Variants in B3GALT9 observed in about 807,000 individuals in gnomAD.
B3GALT9 encodes the protein UDP-GlcNAc:betaGal beta-1,3-N-acetylglucosaminyltransferase 10 (putative).
intron 1 of B3GALT9, among the ~76,000 whole-genome samples, chr9:120,794,651 A>AG: frequency 6.6e-6 from 1 of 152,194 alleles, no homozygotes; most frequent in Admixed American, 6.5e-5. Flanking sequence ...CTGGGATTAC[A>AG]GGGGTGAACC....
intron 2 of B3GALT9, among the ~76,000 whole-genome samples, chr9:120,797,048 C>T (rs1274080729): frequency 5.5e-5 from 7 of 127,688 alleles, no homozygotes. Flanking sequence ...CAGAGTGAGA[C>T]TCTGTCTCAA....
chr9:120,795,453 T>C (rs2044933689), intron 1 of B3GALT9, among the ~76,000 whole-genome samples: 1 of 152,206 alleles, frequency 6.6e-6, no homozygotes, highest in African/African-American at 2.4e-5. Flanking sequence ...AAAAAATTTT[T>C]AAATTGCAAA....
At position 120,800,366 on chromosome 9, in the gene B3GALT9, G is replaced by A. The variant is rs370071346; in HGVS notation, c.*688G>A. Among the ~76,000 whole-genome samples the A allele has an allele frequency of 4.0e-5, 6 of 151,790 alleles. No individual in the cohort carries two copies. The highest frequency in any genetic ancestry group is 7.3e-5 in the African/African-American group (3 of 41,308). Reference sequence around the variant, plus strand: ...ACTCCTGGCCTCAAGTGATCCACCCGCCTGGGCCTCCCAAAGTGCTGGGAT... The same window carrying A: ...ACTCCTGGCCTCAAGTGATCCACCCACCTGGGCCTCCCAAAGTGCTGGGAT... On this transcript the variant is annotated 3_prime_UTR_variant, in exon 3 of 3. Transcript: ENST00000689072.
chr9:120,797,442 G>T (rs559094606), intron 2 of B3GALT9, among the ~76,000 whole-genome samples: 1 of 151,644 alleles, frequency 6.6e-6, no homozygotes, highest in Non-Finnish European at 1.5e-5. Flanking sequence ...GGAGGCAGAG[G>T]TTGCAGTGAG....
At chr9:120,794,673 C>G (rs183696513) in intron 1 of B3GALT9, among the ~76,000 whole-genome samples, 1 of 151,998 alleles carries the variant, frequency 6.6e-6, no homozygotes, top group African/African-American at 2.4e-5. Context: ...CAATGCCCAG[C>G]GCACAAGTTA....
At chr9:120,794,512 G>A (rs1278102830) in intron 1 of B3GALT9, among the ~76,000 whole-genome samples, 1 of 76,888 alleles carries the variant, frequency 1.3e-5, no homozygotes, top group East Asian at 2.4e-4. Context: ...CTAGTTGTGT[G>A]TGTGTGTGTG....
intron 1 of B3GALT9, among the ~76,000 whole-genome samples, chr9:120,794,451 A>G (rs2044919508): frequency 6.7e-6 from 1 of 148,440 alleles, no homozygotes; most frequent in South Asian, 2.1e-4. Flanking sequence ...CGATCCTCCC[A>G]CCTCAGCCTC....
chr9:120,797,142 A>G lies in B3GALT9; in HGVS notation c.6+533A>G, dbSNP rs180998034. Reference sequence around the variant, plus strand: ...GAGGGAAAGAGAGAAAGAAAGAGAAAGAAAGAAAAGAAAGAAAGAGAAAGA... The same window carrying G: ...GAGGGAAAGAGAGAAAGAAAGAGAAGGAAAGAAAAGAAAGAAAGAGAAAGA... On this transcript the variant is annotated intron_variant, in intron 2 of 2. Coordinates refer to ENST00000689072, the MANE Select transcript of B3GALT9 (RefSeq NM_001386823.1). Among the ~76,000 whole-genome samples, 104 of 151,874 alleles carry G rather than the reference A, an allele frequency of 6.8e-4. No homozygotes were observed. In the East Asian group the frequency reaches 0.02, roughly 29 times the overall value.
chr9:120,800,812 C>G lies in B3GALT9; in HGVS notation c.*1134C>G, dbSNP rs1020633019. ...CATGACCATGATGTATGATAGAGCTCTTGAACTTATTCCTCATGTCTAACA... is the reference window on the plus strand; with the variant it reads ...CATGACCATGATGTATGATAGAGCTGTTGAACTTATTCCTCATGTCTAACA... On this transcript the variant is annotated 3_prime_UTR_variant, in exon 3 of 3. Transcript: ENST00000689072. Among the ~76,000 whole-genome samples the G allele has an allele frequency of 6.6e-6, 1 of 152,182 alleles. No individual in the cohort carries two copies. Among genetic ancestry groups the G allele is most frequent in the African/African-American group, 2.4e-5 (1 of 41,454 alleles).
chr9:120,794,616 AC>A (rs1301395886), intron 1 of B3GALT9, among the ~76,000 whole-genome samples: 2 of 151,626 alleles, frequency 1.3e-5, no homozygotes, highest in Non-Finnish European at 2.9e-5. Context: ...CAAGTGATCC[AC>A]CTGCCTGGGC....
chr9:120,798,777 A>G lies in B3GALT9; in HGVS notation c.209A>G (p.Tyr70Cys), dbSNP rs1222278158. The part of the protein sequence containing the change: ...IEPLRSNLSK[Y>C]YVLSQSEICK... ...CCCCTAAGAAGTAATCTCTCCAAAT[A>G]TTATGTCCTGAGCCAGTCAGAAATA... is the stretch of plus-strand genomic sequence containing the variant. The change falls in exon 3 of 3, where the codon TAT (tyrosine) becomes TGT (cysteine). Residue 70 changes from tyrosine (Y) to cysteine (C), a missense_variant. By Grantham distance (194) the Tyr-to-Cys change is radical (BLOSUM62 -2). Coordinates refer to ENST00000689072, the MANE Select transcript of B3GALT9 (RefSeq NM_001386823.1). 1.5e-5 allele frequency: 6 copies of G among 399,012 alleles called. No homozygotes were observed. In the Admixed American group the frequency reaches 2.6e-4, roughly 18 times the overall value. 24.7% of individuals were successfully genotyped at this position (399,012 alleles called of 1,614,324 possible).
Position 120,801,725 on chromosome 9 carries a change from C to G in B3GALT9, c.*2047C>G, listed in dbSNP as rs2044970173. Among the ~76,000 whole-genome samples the G allele has an allele frequency of 6.6e-6, 1 of 152,170 alleles. No individual in the cohort carries two copies. The highest frequency in any genetic ancestry group is 2.1e-4 in the South Asian group (1 of 4,826). On this transcript the variant is annotated 3_prime_UTR_variant, in exon 3 of 3. Transcript: ENST00000689072. ...ACTGCACTCCAGCCTGGGCAACAGT[C>G]TGAGACTCTATCTCAAAAAACAAAA... is the stretch of plus-strand genomic sequence containing the variant.
rs550633274 is a variant in B3GALT9, at chr9:120,800,940, C to T, written c.*1262C>T. Among the ~76,000 whole-genome samples the T allele has an allele frequency of 6.6e-6, 1 of 152,316 alleles. No individual in the cohort carries two copies. The highest frequency in any genetic ancestry group is 2.1e-4 in the South Asian group (1 of 4,828). ...TTCTATGAATTTGAGTTTTTTTACACTCCACATATAAGTGAGCTCATGTGC... is the reference window on the plus strand; with the variant it reads ...TTCTATGAATTTGAGTTTTTTTACATTCCACATATAAGTGAGCTCATGTGC... On this transcript the variant is annotated 3_prime_UTR_variant, in exon 3 of 3. Coordinates refer to ENST00000689072, the MANE Select transcript of B3GALT9 (RefSeq NM_001386823.1).
At position 120,799,591 on chromosome 9, in the gene B3GALT9, T is replaced by G. The variant is rs1305055403; in HGVS notation, c.1023T>G (p.Ile341Met). The G allele has an allele frequency of 7.5e-6, 3 of 399,546 alleles. No individual in the cohort carries two copies. Among genetic ancestry groups the G allele is most frequent in the Non-Finnish European group, 1.3e-5 (3 of 226,210 alleles). The allele number at this position is 399,546 out of a possible 1,614,324, so 24.8% of individuals were successfully genotyped here. Residue 341 changes from isoleucine (I) to methionine (M), a missense_variant, in exon 3 of 3, where the codon ATT (isoleucine) becomes ATG (methionine). Ile to Met is a conservative substitution (Grantham distance 10, BLOSUM62 1). Transcript: ENST00000689072. ...TGTTTGAGACATCCTATGAGCTCAT[T>G]TCCTGCAAACTTCTGACGTACCTTG... is the stretch of plus-strand genomic sequence containing the variant. ...CTLFETSYEL[I>M]SCKLLTYLDS...
intron 1 of B3GALT9, among the ~76,000 whole-genome samples, chr9:120,795,663 G>A (rs1228692156): frequency 6.6e-6 from 1 of 152,202 alleles, no homozygotes; most frequent in African/African-American, 2.4e-5. Flanking sequence ...TACAAAAGCT[G>A]TTGTAAATGG....
In B3GALT9 at chr9:120,799,126, G is replaced by T. The variant is rs1048732857; in HGVS notation, c.558G>T (p.Thr186=). ...TCATTCTCAAGGTGGATGAAGAGAC[G>T]TTTGTCAATCTACCAAGCTTGGTAG... The part of the protein sequence containing the change: ...ALFILKVDEE[T]FVNLPSLVDY... Residue 186 remains threonine, a synonymous_variant, in exon 3 of 3, where the codon ACG becomes ACT. Transcript: ENST00000689072. The T allele has an allele frequency of 2.5e-6, 1 of 398,852 alleles. No homozygotes were observed. Among genetic ancestry groups the T allele is most frequent in the Non-Finnish European group, 4.4e-6 (1 of 226,076 alleles). 24.7% of individuals were successfully genotyped at this position (398,852 alleles called of 1,614,324 possible).
rs1298248375 is a variant in B3GALT9, at chr9:120,799,224, A to G, written c.656A>G (p.Asn219Ser). The G allele has an allele frequency of 3.3e-5, 13 of 399,066 alleles. No homozygotes were observed. Among genetic ancestry groups the G allele is most frequent in the Admixed American group, 8.8e-5 (2 of 22,720 alleles). 24.7% of individuals were successfully genotyped at this position (399,066 alleles called of 1,614,324 possible). The change falls in exon 3 of 3, where the codon AAT becomes AGT. Residue 219 changes from asparagine to serine, a missense_variant. Transcript: ENST00000689072. ...VGRVLHQVTP[N>S]RDPQNRDFVP... is the part of the protein sequence containing the mutation. ...AGAGTTCTTCATCAGGTTACACCCA[A>G]TAGAGATCCTCAGAACAGAGACTTT...
Position 120,798,973 on chromosome 9 carries a change from G to C in B3GALT9, c.405G>C (p.Glu135Asp), listed in dbSNP as rs1010640153. 2.8e-5 allele frequency: 11 copies of C among 398,870 alleles called. No individual in the cohort carries two copies. The highest frequency in any genetic ancestry group is 2.3e-4 in the African/African-American group (11 of 48,590). The allele number at this position is 398,870 out of a possible 1,614,324, so 24.7% of individuals were successfully genotyped here. A position where few individuals can be genotyped will look rare whatever the true frequency, so the allele number is the denominator to read the frequency against. Residue 135 changes from glutamate (E) to aspartate (D), a missense_variant, in exon 3 of 3, where the codon GAG (glutamate) becomes GAC (aspartate). Glu to Asp is a conservative substitution (Grantham distance 45). Transcript: ENST00000689072. ...GMPVSVTTQKEINKESCKNND... is the reference protein window; with the variant it reads ...GMPVSVTTQKDINKESCKNND... Reference sequence around the variant, plus strand: ...CTGTTTCGGTAACTACCCAGAAAGAGATCAACAAAGAATCCTGTAAGAATA... The same window carrying C: ...CTGTTTCGGTAACTACCCAGAAAGACATCAACAAAGAATCCTGTAAGAATA...
At position 120,800,410 on chromosome 9, in the gene B3GALT9, C is replaced by A. The variant is rs539630016; in HGVS notation, c.*732C>A. ...CTGGGATTACAGGTGTGAGCCACCA[C>A]GCCTGGCCTAATTTTTGTATTTTTT... On this transcript the variant is annotated 3_prime_UTR_variant, in exon 3 of 3. Transcript: ENST00000689072. Among the ~76,000 whole-genome samples, 11 of 151,694 alleles carry A rather than the reference C, an allele frequency of 7.3e-5. No homozygotes were observed. Among genetic ancestry groups the A allele is most frequent in the South Asian group, 4.2e-4 (2 of 4,796 alleles).
Sources: allele counts gnomAD v4.1 joint callset (sites outside exome capture counted in the v4.1 genomes callset), GRCh38; gene constraint gnomAD v4.1.1; transcripts MANE v1.5; gene names NCBI Gene and HGNC (gene_info 2026-07-23, HGNC 2026-07-21).